SMARCC1: variants seen among roughly 807,000 people sequenced by gnomAD.
SMARCC1 encodes the protein SWI/SNF complex subunit SMARCC1.
SMARCC1 carries 43 observed loss-of-function variants against 147.4 expected under a neutral mutation model. The observed-to-expected ratio is 0.29, with a 90% confidence interval of 0.23 to 0.38. The LOEUF is 0.38. Ranked by LOEUF, SMARCC1 falls within the 10% of genes least tolerant of loss-of-function variation. SMARCC1 has a pLI of 1.00. For missense variants in SMARCC1, 1,119 were observed against 1,381.1 expected (o/e 0.81, Z 3.01); for synonymous variants, 495 against 484.4 (o/e 1.02, Z -0.29).
At chr3:47,708,074 A>ATTTTTTTTT (rs1323957181) in intron 9 of SMARCC1, among the ~76,000 whole-genome samples, 1 of 41,622 alleles carries the variant, frequency 2.4e-5, no homozygotes, top group African/African-American at 7.2e-5. Flanking sequence ...CTGAAGTTGA[A>ATTTTTTTTT]TTTTTTTTCT....
chr3:47,614,332 G>C (rs1279588298), intron 25 of SMARCC1, among the ~76,000 whole-genome samples: 2 of 152,146 alleles, frequency 1.3e-5, no homozygotes, highest in Non-Finnish European at 2.9e-5. Context: ...AAGTCTTTCT[G>C]CTTCAGAACT....
At chr3:47,623,840 A>G (rs1187619202) in intron 24 of SMARCC1, among the ~76,000 whole-genome samples, 2 of 151,552 alleles carry the variant, frequency 1.3e-5, no homozygotes, top group Non-Finnish European at 2.9e-5. Flanking sequence ...TTATGAGAAT[A>G]TGACTCCTAG....
chr3:47,647,566 T>A (rs542078201), intron 21 of SMARCC1, among the ~76,000 whole-genome samples: 1 of 152,328 alleles, frequency 6.6e-6, no homozygotes, highest in South Asian at 2.1e-4. Context: ...ATAATCCACA[T>A]AAACTAAAGC....
At chr3:47,675,698 A>G in intron 17 of SMARCC1, 110 bp from the exon 18 acceptor site, 2 of 588,342 alleles carry the variant, frequency 3.4e-6, no homozygotes, top group Non-Finnish European at 6.1e-6. Flanking sequence ...CTATAATCCC[A>G]GCACTTTGGG....
intron 13 of SMARCC1, 22 bp downstream of exon 13, chr3:47,689,365 C>T: frequency 6.2e-7 from 1 of 1,604,488 alleles, no homozygotes; most frequent in Admixed American, 1.7e-5. Flanking sequence ...CTCTCTCACA[C>T]CAGGCTTAAC....
chr3:47,743,579 C>T (rs955504546), intron 3 of SMARCC1, among the ~76,000 whole-genome samples: 4 of 151,756 alleles, frequency 2.6e-5, no homozygotes, highest in African/African-American at 7.3e-5. Context: ...TTTGGGAGGC[C>T]GAGTCTGGCG....
chr3:47,718,567 G>T (rs1238954852), intron 7 of SMARCC1, among the ~76,000 whole-genome samples: 1 of 152,068 alleles, frequency 6.6e-6, no homozygotes, highest in Non-Finnish European at 1.5e-5. Context: ...AAAAAAAAGT[G>T]GGGGGTAGGG....
intron 6 of SMARCC1, among the ~76,000 whole-genome samples, chr3:47,724,419 T>C (rs2034273806): frequency 6.6e-6 from 1 of 152,240 alleles, no homozygotes; most frequent in Non-Finnish European, 1.5e-5. Flanking sequence ...TTAGGTTATC[T>C]AGAGTAGTCG....
At chr3:47,598,857 A>T in intron 26 of SMARCC1, among the ~76,000 whole-genome samples, 1 of 139,218 alleles carries the variant, frequency 7.2e-6, no homozygotes, top group Admixed American at 7.1e-5. Context: ...AAAAAGAGAG[A>T]GAGAGACACA....
intron 16 of SMARCC1, among the ~76,000 whole-genome samples, chr3:47,677,825 A>G (rs957750822): frequency 6.6e-6 from 1 of 152,130 alleles, no homozygotes; most frequent in Non-Finnish European, 1.5e-5. Context: ...GGTGTAAGCC[A>G]CTGCACCCAG....
chr3:47,653,773 T>A (rs890666663), intron 21 of SMARCC1, among the ~76,000 whole-genome samples: 3 of 152,204 alleles, frequency 2.0e-5, no homozygotes, highest in Non-Finnish European at 4.4e-5. Flanking sequence ...ACCCTTATTA[T>A]AAGAGGACCC....
chr3:47,638,530 A>C (rs1349792834), intron 22 of SMARCC1, among the ~76,000 whole-genome samples, 195 bp downstream of exon 22: 2 of 152,216 alleles, frequency 1.3e-5, no homozygotes, highest in African/African-American at 4.8e-5. Context: ...ATAGGGAGTG[A>C]ATACACCTCC....
In SMARCC1 at chr3:47,781,841, C is replaced by T; in HGVS notation, c.-44G>A. The T allele has an allele frequency of 7.9e-7, 1 of 1,265,986 alleles. No individual in the cohort carries two copies. The highest frequency in any genetic ancestry group is 1.0e-6 in the Non-Finnish European group (1 of 996,002). The allele number at this position is 1,265,986 out of a possible 1,614,324, so 78.4% of individuals were successfully genotyped here. ...CCACAGCCTGGCCCACCCCGGCCCT[C>T]GCGGTGTTTCCCGGTCGTTCCCGCG... On this transcript the variant is annotated 5_prime_UTR_variant, in exon 1 of 28. Transcript: ENST00000254480.
rs1049246881 is a variant in SMARCC1 at position 47,587,032 on chromosome 3, A to C, written c.*1177T>G. 2.0e-5 allele frequency: 3 copies of C among 152,546 alleles called. No homozygotes were observed. Among genetic ancestry groups the C allele is most frequent in the Non-Finnish European group, 4.4e-5 (3 of 68,032 alleles). The allele number at this position is 152,546 out of a possible 1,614,324, so 9.4% of individuals were successfully genotyped here. ...TCTTTGAAAACCCTGTGATAGATGG[A>C]ATGTGAGATCTCAGAAATGGAAGGG... is the stretch of plus-strand genomic sequence containing the variant. On this transcript the variant is annotated 3_prime_UTR_variant, in exon 28 of 28. Transcript: ENST00000254480.
intron 2 of SMARCC1, among the ~76,000 whole-genome samples, chr3:47,770,902 A>T (rs933876268): frequency 6.6e-5 from 10 of 152,016 alleles, no homozygotes; most frequent in Non-Finnish European, 1.2e-4. Flanking sequence ...ACTATTTTTT[A>T]AAATTTTATT....
At chr3:47,697,673 CA>C (rs1324944837) in intron 11 of SMARCC1, among the ~76,000 whole-genome samples, 3 of 150,896 alleles carry the variant, frequency 2.0e-5, no homozygotes, top group Non-Finnish European at 3.0e-5. Flanking sequence ...ATAACCATGA[CA>C]GCAAAACCTG....
chr3:47,772,869 T>C lies in SMARCC1; in HGVS notation c.263A>G (p.Gln88Arg). The change falls in exon 2 of 28, where the codon CAG (glutamine) becomes CGG (arginine). Residue 88 changes from glutamine to arginine, a missense_variant. By Grantham distance (43) the Gln-to-Arg change is conservative. Transcript: ENST00000254480. ...AGLVVQLLQF[Q>R]EDAFGKHVTN... ...GACATGCTTCCCAAAGGCATCTTCCTGGAACTGAAGAAGCTGCACCACCAG... is the reference window on the plus strand; with the variant it reads ...GACATGCTTCCCAAAGGCATCTTCCCGGAACTGAAGAAGCTGCACCACCAG... The C allele has an allele frequency of 1.2e-6, 2 of 1,613,632 alleles. No individual in the cohort carries two copies. The highest frequency in any genetic ancestry group is 8.5e-7 in the Non-Finnish European group (1 of 1,179,650).
chr3:47,598,942 C>T (rs570775640), intron 26 of SMARCC1, among the ~76,000 whole-genome samples: 4 of 151,252 alleles, frequency 2.6e-5, no homozygotes, highest in African/African-American at 7.3e-5. Context: ...CAAAGAGAGA[C>T]GTGGCCGTAA....
intron 20 of SMARCC1, 73 bp downstream of exon 20, chr3:47,662,261 T>G (rs779450102): frequency 6.8e-5 from 83 of 1,226,762 alleles, no homozygotes; most frequent in Non-Finnish European, 9.2e-5. Context: ...GAAATGAATG[T>G]AACGGCTGGT....
Sources: allele counts gnomAD v4.1 joint callset (sites outside exome capture counted in the v4.1 genomes callset), GRCh38; gene constraint gnomAD v4.1.1; transcripts MANE v1.5; gene names NCBI Gene and HGNC (gene_info 2026-07-23, HGNC 2026-07-21).